The following KCNH7 variants were observed in gnomAD, a reference collection of about 807,000 sequenced individuals.
The protein encoded by KCNH7 is voltage-gated inwardly rectifying potassium channel KCNH7.
A neutral mutation model predicts 120.8 loss-of-function variants in KCNH7; 49 were observed. The observed-to-expected ratio is 0.41, with a 90% CI of 0.32 to 0.51. The LOEUF is 0.51. Ranked by LOEUF, KCNH7 falls within the 20% of genes least tolerant of loss-of-function variation. The probability of loss-of-function intolerance (pLI) is 0.38; values close to 1 mark genes in which losing one functional copy is unlikely to be tolerated. For missense variants in KCNH7, 1,097 were observed against 1,446.6 expected, an observed-to-expected ratio of 0.76 and a Z score of 3.92; for synonymous variants, 547 against 516.1, an observed-to-expected ratio of 1.06 and a Z score of -0.81.
In KCNH7 at chr2:162,537,036, G is replaced by C. The variant is rs1318192119; in HGVS notation, c.352C>G (p.Gln118Glu). 3.7e-6 allele frequency: 6 copies of C among 1,612,326 alleles called. No homozygotes were observed. Among genetic ancestry groups the C allele is most frequent in the Non-Finnish European group, 4.2e-6 (5 of 1,178,882 alleles). Reference protein sequence around the residue: ...CNTHIIPVKNQEGVAMMFIIN... With the variant: ...CNTHIIPVKNEEGVAMMFIIN... ...ATGAACATCATAGCCACGCCCTCTT[G>C]GTTTTTCACTGGAATTATGTGAGTG... Residue 118 changes from glutamine (Q) to glutamate (E), a missense_variant, in exon 3 of 16, where the codon CAA becomes GAA. Gln to Glu is a conservative substitution (Grantham distance 29). This residue lies in a region of KCNH7 where 362 missense variants were observed against 372.2 expected (regional missense o/e 0.97). Coordinates refer to ENST00000332142, the MANE Select transcript of KCNH7 (RefSeq NM_033272.4).
chr2:162,647,229 C>T (rs908999229), intron 2 of KCNH7, among the ~76,000 whole-genome samples: 8 of 152,090 alleles, frequency 5.3e-5, no homozygotes, highest in Non-Finnish European at 8.8e-5. Flanking sequence ...CCAGGGTTGC[C>T]GCAGTCTCCT....
At chr2:162,382,849 C>T (rs1351380556) in intron 13 of KCNH7, among the ~76,000 whole-genome samples, 1 of 151,872 alleles carries the variant, frequency 6.6e-6, no homozygotes, top group East Asian at 1.9e-4. Flanking sequence ...ATTAATTAGC[C>T]AGGCTAACCA....
intron 2 of KCNH7, among the ~76,000 whole-genome samples, chr2:162,775,440 T>C (rs961570224): frequency 6.6e-6 from 1 of 152,140 alleles, no homozygotes; most frequent in African/African-American, 2.4e-5. Flanking sequence ...TGATGAGTTG[T>C]GGTTTGGGGC....
chr2:162,708,022 C>T lies in KCNH7; in HGVS notation c.307+128515G>A, dbSNP rs542940950. 8.6e-5 allele frequency among the ~76,000 whole-genome samples: 13 copies of T among 151,924 alleles called. No individual in the cohort carries two copies. In the South Asian group the frequency reaches 2.3e-3, roughly 27 times the overall value. On this transcript the variant is annotated intron_variant, in intron 2 of 15. Transcript: ENST00000332142. ...CTACTTCCCATTTCTCTTGCCTACC[C>T]TATTTTTCTTGGTGGCTCTCTTAAT...
chr2:162,555,120 T>A (rs1370941783), intron 2 of KCNH7, among the ~76,000 whole-genome samples: 1 of 152,248 alleles, frequency 6.6e-6, no homozygotes, highest in African/African-American at 2.4e-5. Context: ...TATGTCCAGC[T>A]GGCTGAAAGG....
At chr2:162,627,306 G>A (rs987985264) in intron 2 of KCNH7, among the ~76,000 whole-genome samples, 11 of 152,146 alleles carry the variant, frequency 7.2e-5, no homozygotes, top group African/African-American at 2.7e-4. Flanking sequence ...TAACAAAGAG[G>A]TTGAGATTGT....
intron 2 of KCNH7, among the ~76,000 whole-genome samples, chr2:162,679,005 C>A (rs886985183): frequency 2.6e-5 from 4 of 151,752 alleles, no homozygotes; most frequent in Admixed American, 6.6e-5. Context: ...TATATTCCAA[C>A]ATGAACTTTC....
intron 3 of KCNH7, among the ~76,000 whole-genome samples, chr2:162,530,459 C>T (rs938258556): frequency 3.3e-5 from 5 of 150,056 alleles, no homozygotes; most frequent in Admixed American, 6.8e-5. Flanking sequence ...CGCTAGTGTG[C>T]GCGAGCGTGC....
intron 8 of KCNH7, among the ~76,000 whole-genome samples, chr2:162,424,835 A>G (rs1302999725): frequency 1.3e-5 from 2 of 152,170 alleles, no homozygotes; most frequent in African/African-American, 2.4e-5. Flanking sequence ...CCTTGTTTTT[A>G]TCTATTTAAG....
At chr2:162,483,005 TC>T (rs201670020) in intron 6 of KCNH7, among the ~76,000 whole-genome samples, 2,811 of 152,186 alleles carry the variant, frequency 0.018, 32 homozygotes, top group Non-Finnish European at 0.028. Context: ...GGATTTATTC[TC>T]AAGAAGGAGA....
At chr2:162,625,212 C>T (rs1002649662) in intron 2 of KCNH7, among the ~76,000 whole-genome samples, 2 of 151,994 alleles carry the variant, frequency 1.3e-5, no homozygotes, top group African/African-American at 4.8e-5. Context: ...GCACTCTTAA[C>T]TCTAAATCTC....
chr2:162,786,003 G>A (rs1435270691), intron 2 of KCNH7, among the ~76,000 whole-genome samples: 1 of 152,098 alleles, frequency 6.6e-6, no homozygotes, highest in Admixed American at 6.6e-5. Flanking sequence ...AGTACTTTGG[G>A]AGGCCAAGCT....
At chr2:162,794,089 GA>G (rs1359108167) in intron 2 of KCNH7, among the ~76,000 whole-genome samples, 1 of 151,592 alleles carries the variant, frequency 6.6e-6, no homozygotes, top group South Asian at 2.1e-4. Flanking sequence ...CAGGAAAGCT[GA>G]AAAAAATAAA....
intron 2 of KCNH7, among the ~76,000 whole-genome samples, chr2:162,666,713 C>A (rs1014977836): frequency 6.6e-6 from 1 of 152,088 alleles, no homozygotes; most frequent in Non-Finnish European, 1.5e-5. Context: ...TCCTTTACTT[C>A]TTTTTATTGT....
chr2:162,566,172 C>A (rs1029815164), intron 2 of KCNH7, among the ~76,000 whole-genome samples: 8 of 151,626 alleles, frequency 5.3e-5, no homozygotes, highest in South Asian at 4.2e-4. Context: ...TCCTCCTCCT[C>A]AAAAAAAAGC....
At chr2:162,674,528 T>C (rs2105302203) in intron 2 of KCNH7, among the ~76,000 whole-genome samples, 1 of 151,840 alleles carries the variant, frequency 6.6e-6, no homozygotes, top group Middle Eastern at 3.4e-3. Flanking sequence ...AAAAAGCCTA[T>C]GAATGACTTG....
intron 2 of KCNH7, among the ~76,000 whole-genome samples, chr2:162,644,782 AT>A (rs1684292410): frequency 6.6e-6 from 1 of 152,044 alleles, no homozygotes; most frequent in Non-Finnish European, 1.5e-5. Flanking sequence ...TTCCTTAATT[AT>A]TTTAGTTTAT....
chr2:162,648,921 A>G (rs1056409405), intron 2 of KCNH7, among the ~76,000 whole-genome samples: 1 of 152,152 alleles, frequency 6.6e-6, no homozygotes, highest in African/African-American at 2.4e-5. Context: ...AACCATTTTA[A>G]GCACTCATTA....
chr2:162,448,746 C>T (rs765074800), intron 6 of KCNH7, among the ~76,000 whole-genome samples: 5 of 151,982 alleles, frequency 3.3e-5, no homozygotes, highest in Non-Finnish European at 7.4e-5. Flanking sequence ...CACAGGCACA[C>T]CTTCATTTAA....
Sources: allele counts gnomAD v4.1 joint callset (sites outside exome capture counted in the v4.1 genomes callset), GRCh38; gene constraint gnomAD v4.1.1; regional missense constraint gnomAD v4.1.1; transcripts MANE v1.5; gene names NCBI Gene and HGNC (gene_info 2026-07-23, HGNC 2026-07-21).